RHOBTB3: variants seen among roughly 807,000 people sequenced by gnomAD.
RHOBTB3 encodes the protein rho-related BTB domain-containing protein 3.
Under a neutral mutation model 67.2 loss-of-function variants are expected in RHOBTB3, and 47 were observed. That is an observed-to-expected ratio of 0.70 (90% CI 0.55 to 0.89). The LOEUF (loss-of-function observed/expected upper bound fraction) is 0.89, where lower values mean the gene tolerates loss of function less well. Ranked by LOEUF, RHOBTB3 falls within the 40% of genes least tolerant of loss-of-function variation. The pLI is 0.00. For synonymous variants in RHOBTB3, 273 were observed against 274.2 expected (o/e 1.00, Z 0.04); for missense variants, 631 against 750.0 (o/e 0.84, Z 1.85).
chr5:95,725,495 C>G lies in RHOBTB3; in HGVS notation n.134-6364C>G, dbSNP rs80262545. ...GGCGTCATGTGTGCACACACACAAG[C>G]GCACGCCTTTGCGTGAGCCCTGAGA... On this transcript the variant is annotated intron_variant and non_coding_transcript_variant, in intron 1 of 5. Coordinates refer to the RHOBTB3 transcript ENST00000504949. 4.8e-3 allele frequency among the ~76,000 whole-genome samples: 737 copies of G among 152,366 alleles called. 2 individuals are homozygous for G. Among genetic ancestry groups the G allele is most frequent in the African/African-American group, 0.017 (713 of 41,578 alleles).
chr5:95,720,173 A>G (rs556397235), intron 1 of RHOBTB3, among the ~76,000 whole-genome samples: 1 of 152,318 alleles, frequency 6.6e-6, no homozygotes, highest in South Asian at 2.1e-4. Flanking sequence ...GCACCTTGAC[A>G]AAATAAAGTT....
At chr5:95,738,272 T>C (rs1372337768) in intron 3 of RHOBTB3, among the ~76,000 whole-genome samples, 1 of 152,190 alleles carries the variant, frequency 6.6e-6, no homozygotes, top group Non-Finnish European at 1.5e-5. Context: ...TTTTTATTTC[T>C]GGTCATGATT....
intron 7 of RHOBTB3, among the ~76,000 whole-genome samples, chr5:95,766,193 C>T (rs895708533): frequency 2.0e-5 from 3 of 151,768 alleles, no homozygotes; most frequent in Non-Finnish European, 4.4e-5. Flanking sequence ...CCCCCCTCAC[C>T]GAAGATTTTA....
chr5:95,787,525 G>A (rs1235807246), intron 10 of RHOBTB3, among the ~76,000 whole-genome samples: 1 of 150,810 alleles, frequency 6.6e-6, no homozygotes, highest in Non-Finnish European at 1.5e-5. Context: ...CTTCAATTTA[G>A]CATTACTTGT....
chr5:95,769,086 T>G, intron 8 of RHOBTB3: 1 of 362,766 alleles, frequency 2.8e-6, no homozygotes. Flanking sequence ...ATGTAAAATT[T>G]GGTGCAGGTG....
rs766951981 is a variant in RHOBTB3, at chr5:95,748,401, A to C, written c.484A>C (p.Ile162Leu). 1.2e-5 allele frequency: 19 copies of C among 1,613,318 alleles called. No individual in the cohort carries two copies. Among genetic ancestry groups the C allele is most frequent in the Non-Finnish European group, 1.4e-5 (17 of 1,179,430 alleles). ...GAGCTGTGTTAGTACAACTGAAGGG[A>C]TCCAACTTGCAAAAGAACTAGGAGC... is the stretch of plus-strand genomic sequence containing the variant. Reference protein sequence around the residue: ...RGSCVSTTEGIQLAKELGATY... With the variant: ...RGSCVSTTEGLQLAKELGATY... Residue 162 changes from isoleucine (I) to leucine (L), a missense_variant, in exon 4 of 12, where the codon ATC becomes CTC. By Grantham distance (5) the Ile-to-Leu change is conservative. Transcript: ENST00000379982.
chr5:95,792,916 A>G (rs1746458539), intron 11 of RHOBTB3, 143 bp from the exon 12 acceptor site: 1 of 559,276 alleles, frequency 1.8e-6, no homozygotes. Flanking sequence ...ATGGTAGTAA[A>G]TTATTTGGGA....
Position 95,755,571 on chromosome 5 carries a change from T to C in RHOBTB3, c.858T>C (p.Asn286=). The C allele has an allele frequency of 1.2e-6, 2 of 1,614,176 alleles. No homozygotes were observed. The highest frequency in any genetic ancestry group is 1.7e-6 in the Non-Finnish European group (2 of 1,180,020). Residue 286 remains asparagine (N), a synonymous_variant, in exon 6 of 12, where the codon AAT becomes AAC. Transcript: ENST00000379982. ...AVSHVFMLLF[N]VKSPTDIQDS... Reference sequence around the variant, plus strand: ...GCCATGTTTTCATGCTGCTTTTCAATGTGAAGAGTCCCACTGACATTCAGG... The same window carrying C: ...GCCATGTTTTCATGCTGCTTTTCAACGTGAAGAGTCCCACTGACATTCAGG...
At chr5:95,775,978 G>A (rs1745866119) in intron 8 of RHOBTB3, among the ~76,000 whole-genome samples, 1 of 152,000 alleles carries the variant, frequency 6.6e-6, no homozygotes, top group African/African-American at 2.4e-5. Context: ...AAATATTTAT[G>A]ATGCAAAATA....
chr5:95,792,966 A>G (rs1015777316), intron 11 of RHOBTB3, 93 bp from the exon 12 acceptor site: 1 of 812,150 alleles, frequency 1.2e-6, no homozygotes, highest in Non-Finnish European at 2.0e-6. Context: ...ACAGAGCTGG[A>G]TCTCATCTAT....
chr5:95,746,862 CTGTG>C (rs1744930402), intron 3 of RHOBTB3, among the ~76,000 whole-genome samples: 1 of 152,136 alleles, frequency 6.6e-6, no homozygotes, highest in Admixed American at 6.5e-5. Flanking sequence ...CCATGTGTGT[CTGTG>C]TGTATGTGTA....
At chr5:95,765,372 G>C (rs1244166758) in intron 7 of RHOBTB3, among the ~76,000 whole-genome samples, 1 of 152,166 alleles carries the variant, frequency 6.6e-6, no homozygotes, top group African/African-American at 2.4e-5. Flanking sequence ...GAAAGGGAAG[G>C]CTGGGTGATA....
At position 95,780,432 on chromosome 5, in the gene RHOBTB3, A is replaced by C. The variant is rs757652083; in HGVS notation, c.1456+7A>C. 5 of 1,611,746 alleles carry C rather than the reference A, an allele frequency of 3.1e-6. No homozygotes were observed. Among genetic ancestry groups the C allele is most frequent in the South Asian group, 1.1e-5 (1 of 91,038 alleles). ...ACAGACTCCTGCTGCCCAGGTTAGC[A>C]ATACAAATGTTGATAGTATCTCAGA... On this transcript the variant is annotated splice_region_variant and intron_variant, in intron 9 of 11. Transcript: ENST00000379982.
chr5:95,756,158 C>CGA, intron 6 of RHOBTB3: 1 of 161,218 alleles, frequency 6.2e-6, no homozygotes, highest in Non-Finnish European at 1.4e-5. Flanking sequence ...ACGATGATTC[C>CGA]CCATTCCGAC....
chr5:95,758,959 G>A (rs1246983576), intron 6 of RHOBTB3, among the ~76,000 whole-genome samples: 2 of 152,234 alleles, frequency 1.3e-5, no homozygotes, highest in Admixed American at 1.3e-4. Context: ...TAACAGCTTA[G>A]GATTCAAAGT....
intron 10 of RHOBTB3, among the ~76,000 whole-genome samples, chr5:95,785,205 C>T (rs1746186199): frequency 6.6e-6 from 1 of 152,204 alleles, no homozygotes; most frequent in South Asian, 2.1e-4. Context: ...TCTAGGTCTT[C>T]TCCTACTATC....
chr5:95,765,925 G>A (rs957799751), intron 7 of RHOBTB3, among the ~76,000 whole-genome samples: 6 of 152,170 alleles, frequency 3.9e-5, no homozygotes, highest in Non-Finnish European at 8.8e-5. Flanking sequence ...GCCTCCCAAA[G>A]TGCTGGGATT....
intron 10 of RHOBTB3, among the ~76,000 whole-genome samples, chr5:95,787,276 C>T (rs1041520555): frequency 1.3e-5 from 2 of 151,942 alleles, no homozygotes; most frequent in Non-Finnish European, 2.9e-5. Context: ...TTATTCTTTT[C>T]CCTTGAGATT....
upstream of RHOBTB3, among the ~76,000 whole-genome samples, chr5:95,729,853 C>T (rs572289481): frequency 6.6e-6 from 1 of 152,188 alleles, no homozygotes; most frequent in Non-Finnish European, 1.5e-5. Flanking sequence ...GAATTTTCTT[C>T]TTTTTTAAAC....
Sources: allele counts gnomAD v4.1 joint callset (sites outside exome capture counted in the v4.1 genomes callset), GRCh38; gene constraint gnomAD v4.1.1; transcripts MANE v1.5; gene names NCBI Gene and HGNC (gene_info 2026-07-23, HGNC 2026-07-21).